The following PNISR variants were observed in gnomAD, a reference collection of about 807,000 sequenced individuals.
PNISR encodes the protein PNN interacting serine and arginine rich protein, also known as arginine/serine-rich protein PNISR.
In PNISR, 20 loss-of-function variants were observed where a neutral mutation model predicts 93.4. The observed-to-expected ratio is 0.21, with a 90% CI of 0.15 to 0.31. PNISR has a LOEUF of 0.31. PNISR is among the 10% of genes least tolerant of loss of function. The pLI, the probability that PNISR is intolerant of heterozygous loss-of-function variation, is 1.00. For missense variants in PNISR, 893 were observed against 985.4 expected, an observed-to-expected ratio of 0.91 and a Z score of 1.25; for synonymous variants, 305 against 306.5, an observed-to-expected ratio of 0.99 and a Z score of 0.05.
In PNISR at chr6:99,402,621, G is replaced by T; in HGVS notation, c.1246C>A (p.Arg416=). ...ESSDTDDEEL[R]HRIRQKQEAF... ...TCCTGTTTTTGCCGGATTCGATGCC[G>T]TAATTCTTCATCATCAGTGTCAGAT... Residue 416 remains arginine (R), a synonymous_variant, in exon 11 of 12, where the codon CGG becomes AGG. Coordinates refer to ENST00000369239, the MANE Select transcript of PNISR (RefSeq NM_032870.4). 2 of 1,613,176 alleles carry T rather than the reference G, an allele frequency of 1.2e-6. No homozygotes were observed. Among genetic ancestry groups the T allele is most frequent in the Non-Finnish European group, 1.7e-6 (2 of 1,179,486 alleles).
At chr6:99,407,465 G>T (rs144669588) in intron 7 of PNISR, among the ~76,000 whole-genome samples, 1 of 152,208 alleles carries the variant, frequency 6.6e-6, no homozygotes, top group African/African-American at 2.4e-5. Context: ...GTAATTTATG[G>T]AATTGAAGCA....
chr6:99,417,044 T>C (rs1233700579), intron 1 of PNISR, among the ~76,000 whole-genome samples: 1 of 152,234 alleles, frequency 6.6e-6, no homozygotes, highest in Non-Finnish European at 1.5e-5. Flanking sequence ...AGGAAGCTGT[T>C]AACTTCTACT....
intron 2 of PNISR, 151 bp downstream of exon 2, chr6:99,416,198 T>A (rs1163338254): frequency 2.6e-6 from 1 of 389,190 alleles, no homozygotes; most frequent in Non-Finnish European, 4.5e-6. Context: ...CTTTTTGTCC[T>A]GTCCAGTTTC....
chr6:99,416,351 C>CA lies in PNISR; in HGVS notation c.-35dup. ...CACCAACTGCTATTTAAACTGACCT[C>CA]AGAGGTTCACCTTCTGTTTAAAACT... On this transcript the variant is annotated 5_prime_UTR_variant, in exon 2 of 12. Coordinates refer to ENST00000369239, the MANE Select transcript of PNISR (RefSeq NM_032870.4). 1 of 1,130,514 alleles carries CA rather than the reference C, an allele frequency of 8.8e-7. No homozygotes were observed. Among genetic ancestry groups the CA allele is most frequent in the Non-Finnish European group, 1.1e-6 (1 of 895,776 alleles). 70.0% of individuals were successfully genotyped at this position (1,130,514 alleles called of 1,614,324 possible).
chr6:99,404,117 A>G (rs1213954945), intron 9 of PNISR: 5 of 497,644 alleles, frequency 1.0e-5, no homozygotes, highest in African/African-American at 7.8e-5. Flanking sequence ...GTATATCTGT[A>G]TGTCTACTTC....
At chr6:99,416,218 C>G (rs144971380) in intron 2 of PNISR, 131 bp downstream of exon 2, 1 of 391,768 alleles carries the variant, frequency 2.6e-6, no homozygotes, top group East Asian at 3.6e-5. Context: ...CCCAAGTACG[C>G]CTTTAGACTC....
At position 99,401,553 on chromosome 6, in the gene PNISR, G is replaced by C; in HGVS notation, c.1405C>G (p.Leu469Val). The C allele has an allele frequency of 1.9e-6, 3 of 1,604,706 alleles. No individual in the cohort carries two copies. The highest frequency in any genetic ancestry group is 2.5e-6 in the Non-Finnish European group (3 of 1,177,672). The change falls in exon 12 of 12, where the codon CTA (leucine) becomes GTA (valine). Residue 469 changes from leucine (L) to valine (V), a missense_variant. By Grantham distance (32) the Leu-to-Val change is conservative. This residue lies in a region of PNISR where 866 missense variants were observed against 935.1 expected (regional missense o/e 0.93). Transcript: ENST00000369239. ...TCACCGTCTGCTTCTCTTGCTTCTA[G>C]TAGTGATAAACTATTTTGCTCTTTA... is the stretch of plus-strand genomic sequence containing the variant. ...IHKEQNSLSL[L>V]EAREADGDVV...
intron 4 of PNISR, 162 bp from the exon 5 acceptor site, chr6:99,411,126 T>C (rs921165231): frequency 1.6e-6 from 1 of 606,302 alleles, no homozygotes; most frequent in Non-Finnish European, 2.9e-6. Flanking sequence ...AAATAAGCAA[T>C]GAACTAAACT....
At chr6:99,410,023 C>T (rs1776703150) in intron 5 of PNISR, 1 of 152,162 alleles carries the variant, frequency 6.6e-6, no homozygotes, top group African/African-American at 2.4e-5. Context: ...AAGGTGAATA[C>T]TAGATGTCCA....
chr6:99,410,494 TA>T, intron 5 of PNISR: 1 of 476,862 alleles, frequency 2.1e-6, no homozygotes, highest in Non-Finnish European at 3.7e-6. Flanking sequence ...CTATTGCACT[TA>T]TACATTTTTA....
At chr6:99,407,719 C>T (rs1329477350) in intron 7 of PNISR, among the ~76,000 whole-genome samples, 1 of 152,146 alleles carries the variant, frequency 6.6e-6, no homozygotes. Flanking sequence ...TTATTACATC[C>T]TCAGGTATAT....
intron 11 of PNISR, 49 bp from the exon 12 acceptor site, chr6:99,401,679 C>G: frequency 1.4e-6 from 2 of 1,392,838 alleles, no homozygotes; most frequent in Non-Finnish European, 1.9e-6. Flanking sequence ...ATGTAAAATT[C>G]TCATACTACC....
At chr6:99,423,966 TTG>T (rs1779032566) in intron 1 of PNISR, among the ~76,000 whole-genome samples, 1 of 152,146 alleles carries the variant, frequency 6.6e-6, no homozygotes, top group Non-Finnish European at 1.5e-5. Flanking sequence ...TATTAATATA[TTG>T]GGCTAAGGTC....
At chr6:99,403,354 T>C (rs1314290512) in intron 10 of PNISR, 1 of 152,334 alleles carries the variant, frequency 6.6e-6, no homozygotes, top group Non-Finnish European at 1.5e-5. Context: ...ACTACTATTT[T>C]ACTATGATAA....
intron 1 of PNISR, among the ~76,000 whole-genome samples, chr6:99,419,273 CATGA>C (rs1445868975): frequency 6.7e-6 from 1 of 148,336 alleles, no homozygotes; most frequent in Admixed American, 6.8e-5. Flanking sequence ...GGTCCTAAAC[CATGA>C]ATGTGAATAT....
At chr6:99,407,544 C>T (rs910351335) in intron 7 of PNISR, among the ~76,000 whole-genome samples, 2 of 152,008 alleles carry the variant, frequency 1.3e-5, no homozygotes, top group Admixed American at 6.6e-5. Context: ...AGAAAATGGC[C>T]GTGCAAGACA....
chr6:99,414,851 A>T, intron 2 of PNISR, 161 bp from the exon 3 acceptor site: 1 of 398,472 alleles, frequency 2.5e-6, no homozygotes, highest in Non-Finnish European at 4.4e-6. Context: ...GTACCAAACG[A>T]GGTAGAAAAT....
intron 5 of PNISR, chr6:99,409,568 G>A: frequency 2.5e-6 from 1 of 407,522 alleles, no homozygotes; most frequent in South Asian, 4.8e-5. Flanking sequence ...AAAGCCAGCT[G>A]ATAAGCTACT....
In PNISR at chr6:99,398,706, T is replaced by TA. The variant is rs1391812475; in HGVS notation, c.*1833dup. 3 of 152,090 alleles carry TA rather than the reference T, an allele frequency of 2.0e-5. No individual in the cohort carries two copies. Among genetic ancestry groups the TA allele is most frequent in the South Asian group, 4.1e-4 (2 of 4,830 alleles). 9.4% of individuals were successfully genotyped at this position (152,090 alleles called of 1,614,324 possible). ...AAAATATTTCACTTCAAGATTGATC[T>TA]AAAAAACATTTTAAGATATGAAAAT... On this transcript the variant is annotated 3_prime_UTR_variant, in exon 12 of 12. Coordinates refer to ENST00000369239, the MANE Select transcript of PNISR (RefSeq NM_032870.4).
Sources: allele counts gnomAD v4.1 joint callset (sites outside exome capture counted in the v4.1 genomes callset), GRCh38; gene constraint gnomAD v4.1.1; regional missense constraint gnomAD v4.1.1; transcripts MANE v1.5; gene names NCBI Gene and HGNC (gene_info 2026-07-23, HGNC 2026-07-21).